Variants in ZNF827 observed in about 807,000 individuals in gnomAD.
The protein encoded by ZNF827 is zinc finger protein 827.
In ZNF827, 13 loss-of-function variants were observed where a neutral mutation model predicts 102.4. The observed-to-expected ratio is 0.13, with a 90% CI of 0.08 to 0.20. The LOEUF (loss-of-function observed/expected upper bound fraction) is 0.20. Among genes scored for constraint, ZNF827 ranks in the 10% least tolerant of loss-of-function variants. ZNF827 has a pLI of 1.00. For synonymous variants in ZNF827, 523 were observed against 536.2 expected, an observed-to-expected ratio of 0.98 and a Z score of 0.34; for missense variants, 1,103 against 1,344.4, an observed-to-expected ratio of 0.82 and a Z score of 2.81.
intron 1 of ZNF827, chr4:145,907,269 T>C (rs1579538683): frequency 2.2e-6 from 1 of 453,890 alleles, no homozygotes; most frequent in Non-Finnish European, 4.4e-6. Flanking sequence ...GGAGGAGTTC[T>C]TGAATGTTGC....
chr4:145,862,774 T>A (rs1342757669), intron 5 of ZNF827, among the ~76,000 whole-genome samples: 1 of 152,248 alleles, frequency 6.6e-6, no homozygotes, highest in Non-Finnish European at 1.5e-5. Context: ...TAAATAGCAC[T>A]ATGTGAATAT....
chr4:145,902,684 T>A lies in ZNF827; in HGVS notation c.575A>T (p.Asn192Ile). 6.2e-7 allele frequency: 1 copy of A among 1,614,014 alleles called. No homozygotes were observed. The highest frequency in any genetic ancestry group is 8.5e-7 in the Non-Finnish European group (1 of 1,180,038). Residue 192 changes from asparagine (N) to isoleucine (I), a missense_variant, in exon 2 of 15, where the codon AAT becomes ATT. Transcript: ENST00000508784. This position sits in a 1 kb window ranked among gnomAD's most constrained non-coding sequence, Gnocchi z 4.3. ...QYTPSNRFIW[N>I]QGKWLPNSTT... ...TGAGTTTGGCAACCACTTACCTTGA[T>A]TCCATATAAAACGGTTACTTGGAGT... is the stretch of plus-strand genomic sequence containing the variant.
intron 10 of ZNF827, among the ~76,000 whole-genome samples, 172 bp downstream of exon 10, chr4:145,775,617 G>A (rs763747784): frequency 6.6e-6 from 1 of 152,112 alleles, no homozygotes; most frequent in Admixed American, 6.5e-5. Flanking sequence ...CAAACCAAGA[G>A]AGGAGTCTGT....
At chr4:145,835,625 C>A (rs1404710356) in intron 7 of ZNF827, among the ~76,000 whole-genome samples, 1 of 150,062 alleles carries the variant, frequency 6.7e-6, no homozygotes, top group Admixed American at 6.6e-5. Flanking sequence ...CTTGTATCCC[C>A]CCACCTTAAC....
At chr4:145,852,266 A>G (rs1329617777) in intron 5 of ZNF827, among the ~76,000 whole-genome samples, 1 of 152,160 alleles carries the variant, frequency 6.6e-6, no homozygotes, top group Non-Finnish European at 1.5e-5. Context: ...AGCTTTGACC[A>G]TGGAATAAAA....
intron 7 of ZNF827, among the ~76,000 whole-genome samples, chr4:145,844,114 G>T (rs1579350339): frequency 6.6e-6 from 1 of 152,038 alleles, no homozygotes; most frequent in Non-Finnish European, 1.5e-5. Flanking sequence ...TCAGTGTTTA[G>T]ACCCACAGAC....
intron 7 of ZNF827, among the ~76,000 whole-genome samples, chr4:145,837,469 C>T (rs1218580641): frequency 7.1e-6 from 1 of 141,258 alleles, no homozygotes; most frequent in African/African-American, 2.5e-5. Context: ...TAGACTGTGC[C>T]CCCCACCAAA....
chr4:145,812,526 T>C (rs1392966530), intron 8 of ZNF827, among the ~76,000 whole-genome samples: 3 of 150,684 alleles, frequency 2.0e-5, no homozygotes, highest in African/African-American at 7.3e-5. Context: ...TTTATTTATT[T>C]ATTTATTTAT....
intron 8 of ZNF827, among the ~76,000 whole-genome samples, chr4:145,800,406 T>A (rs1210761533): frequency 6.6e-6 from 1 of 151,716 alleles, no homozygotes; most frequent in Non-Finnish European, 1.5e-5. Context: ...AAGGCTGGAA[T>A]GCAGTGGCAT....
intron 8 of ZNF827, among the ~76,000 whole-genome samples, chr4:145,806,742 A>G (rs913236210): frequency 5.9e-5 from 9 of 151,996 alleles, no homozygotes; most frequent in African/African-American, 1.9e-4. Flanking sequence ...ACATTTTGAT[A>G]TAACGACTGA....
At chr4:145,866,258 G>A (rs1748187298) in intron 5 of ZNF827, among the ~76,000 whole-genome samples, 1 of 152,196 alleles carries the variant, frequency 6.6e-6, no homozygotes, top group Non-Finnish European at 1.5e-5. Context: ...CCTAATTACA[G>A]CTGCTAATAA....
At position 145,871,323 on chromosome 4, in the gene ZNF827, T is replaced by C. The variant is rs145899796; in HGVS notation, c.1748-845A>G. Among the ~76,000 whole-genome samples, 352 of 152,342 alleles carry C rather than the reference T, an allele frequency of 2.3e-3. 2 individuals carry two copies. Among genetic ancestry groups the C allele is most frequent in the African/African-American group, 8.2e-3 (339 of 41,586 alleles). On this transcript the variant is annotated intron_variant, in intron 4 of 14. Coordinates refer to ENST00000508784, the MANE Select transcript of ZNF827 (RefSeq NM_001306215.2). ...GATTTCACCAGTTTTTCCACTAATG[T>C]CCTTTTTCCATTTTTAGCATGGTTG...
chr4:145,806,961 A>G (rs1741513067), intron 8 of ZNF827, among the ~76,000 whole-genome samples: 1 of 152,218 alleles, frequency 6.6e-6, no homozygotes, highest in African/African-American at 2.4e-5. Flanking sequence ...TTGCAAGGTT[A>G]AAAATAAGTA....
rs541758981 is a variant in ZNF827, at chr4:145,812,756, G to A, written c.2383+10666C>T. 3.2e-3 allele frequency among the ~76,000 whole-genome samples: 484 copies of A among 152,236 alleles called. 3 individuals carry two copies. The highest frequency in any genetic ancestry group is 0.011 in the African/African-American group (468 of 41,546). On this transcript the variant is annotated intron_variant, in intron 8 of 14. Transcript: ENST00000508784. Reference sequence around the variant, plus strand: ...TTGGTCAGGCTGGTCTCAAACTCCTGACCTCAGGTGATCCATCCTCCTCGG... The same window carrying A: ...TTGGTCAGGCTGGTCTCAAACTCCTAACCTCAGGTGATCCATCCTCCTCGG...
intron 5 of ZNF827, among the ~76,000 whole-genome samples, chr4:145,864,071 G>A (rs1312137033): frequency 2.0e-5 from 3 of 151,888 alleles, no homozygotes; most frequent in Admixed American, 6.6e-5. Flanking sequence ...GCAGGCACCT[G>A]TAATCCCAGC....
chr4:145,764,020 C>T (rs188010065), intron 13 of ZNF827, among the ~76,000 whole-genome samples: 111 of 152,328 alleles, frequency 7.3e-4, no homozygotes, highest in African/African-American at 2.6e-3. Flanking sequence ...CTCTCCCTTC[C>T]TCACCCATCT....
At chr4:145,886,312 G>A (rs1224134765) in intron 3 of ZNF827, among the ~76,000 whole-genome samples, 154 bp from the exon 4 acceptor site, 1 of 152,188 alleles carries the variant, frequency 6.6e-6, no homozygotes, top group African/African-American at 2.4e-5. Context: ...AGGTAATGAG[G>A]CCAATCCCTA....
At chr4:145,783,903 CCTTGT>C (rs1738473209) in intron 8 of ZNF827, among the ~76,000 whole-genome samples, 1 of 152,032 alleles carries the variant, frequency 6.6e-6, no homozygotes, top group African/African-American at 2.4e-5. Flanking sequence ...GGAGGTGGGG[CCTTGT>C]GGGAGGTGAT....
intron 1 of ZNF827, among the ~76,000 whole-genome samples, chr4:145,931,346 C>A (rs1753795202): frequency 6.6e-6 from 1 of 152,174 alleles, no homozygotes; most frequent in Admixed American, 6.5e-5. Flanking sequence ...AAACAGGCAC[C>A]ATCATTTACA....
Sources: gnomAD v4.1 joint callset for allele counts (sites outside exome capture counted in the v4.1 genomes callset) on GRCh38, gnomAD v4.1.1 for gene constraint, Gnocchi (gnomAD v3.1) non-coding constraint, MANE v1.5 for transcripts, NCBI Gene and HGNC (gene_info 2026-07-23, HGNC 2026-07-21) for gene names.